The following AGBL1 variants were observed in gnomAD, a reference collection of about 807,000 sequenced individuals.
AGBL1 encodes AGBL carboxypeptidase 1.
In AGBL1, 130 loss-of-function variants were observed where a neutral mutation model predicts 118.9. The observed-to-expected ratio is 1.09, with a 90% CI of 0.95 to 1.26. The LOEUF is 1.26. AGBL1 is among the 50% of genes most tolerant of loss of function. The pLI, the probability that AGBL1 is intolerant of heterozygous loss-of-function variation, is 0.00. For synonymous variants in AGBL1, 555 were observed against 478.9 expected, an observed-to-expected ratio of 1.16 and a Z score of -2.08; for missense variants, 1,584 against 1,298.1, an observed-to-expected ratio of 1.22 and a Z score of -3.38.
At chr15:86,280,919 C>T (rs1301685423) in intron 16 of AGBL1, among the ~76,000 whole-genome samples, 1 of 152,212 alleles carries the variant, frequency 6.6e-6, no homozygotes, top group African/African-American at 2.4e-5. Context: ...GTGTATCACA[C>T]TTAGAGAGCT....
chr15:86,139,588 G>A (rs940480808), intron 1 of AGBL1, among the ~76,000 whole-genome samples: 6 of 151,224 alleles, frequency 4.0e-5, no homozygotes, highest in Admixed American at 1.3e-4. Flanking sequence ...GTGGAAACTC[G>A]TCTCTTCTGA....
intron 13 of AGBL1, among the ~76,000 whole-genome samples, chr15:86,268,677 C>G (rs7172115): frequency 0.45 from 67,867 of 151,926 alleles, 15,896 homozygotes; most frequent in African/African-American, 0.57. Flanking sequence ...CATAGACTTT[C>G]CAGAATTGTT....
At chr15:86,841,042 TC>T (rs1404174746) in intron 22 of AGBL1, among the ~76,000 whole-genome samples, 1 of 152,196 alleles carries the variant, frequency 6.6e-6, no homozygotes, top group African/African-American at 2.4e-5. Context: ...TGAAATTTCT[TC>T]CCTACCATCA....
chr15:86,706,952 C>T (rs1050545998), intron 22 of AGBL1, among the ~76,000 whole-genome samples: 2 of 151,908 alleles, frequency 1.3e-5, no homozygotes, highest in African/African-American at 4.8e-5. Flanking sequence ...GAGTGGAAAA[C>T]GTAGTCAAAA....
At chr15:86,441,675 A>G (rs2082066262) in intron 18 of AGBL1, among the ~76,000 whole-genome samples, 1 of 152,238 alleles carries the variant, frequency 6.6e-6, no homozygotes. Flanking sequence ...TTATTGGAAG[A>G]GGTTGGGTAG....
At chr15:86,439,654 G>A (rs1258786871) in intron 18 of AGBL1, among the ~76,000 whole-genome samples, 1 of 152,210 alleles carries the variant, frequency 6.6e-6, no homozygotes, top group Non-Finnish European at 1.5e-5. Flanking sequence ...ACTGAGCAAA[G>A]CACAGAAATC....
At chr15:86,249,599 G>T (rs1597621820) in intron 7 of AGBL1, among the ~76,000 whole-genome samples, 1 of 152,006 alleles carries the variant, frequency 6.6e-6, no homozygotes, top group African/African-American at 2.4e-5. Context: ...TAAGCTTGTG[G>T]TTGCCCAAGT....
At chr15:86,631,406 A>G (rs1277180455) in intron 21 of AGBL1, among the ~76,000 whole-genome samples, 1 of 152,216 alleles carries the variant, frequency 6.6e-6, no homozygotes, top group African/African-American at 2.4e-5. Flanking sequence ...CAGTAACAGC[A>G]TAAGTCAAAG....
intron 22 of AGBL1, among the ~76,000 whole-genome samples, chr15:86,828,107 T>C (rs2079057456): frequency 6.6e-6 from 1 of 151,434 alleles, no homozygotes; most frequent in Non-Finnish European, 1.5e-5. Context: ...GCCCAACTAA[T>C]TCTAAAAAAT....
intron 1 of AGBL1, among the ~76,000 whole-genome samples, chr15:86,118,092 A>G (rs1897871409): frequency 1.3e-5 from 2 of 152,196 alleles, no homozygotes; most frequent in African/African-American, 2.4e-5. Context: ...CTGGGTGTCA[A>G]TATAATGTTT....
chr15:86,485,749 T>C (rs1015997668), intron 18 of AGBL1, among the ~76,000 whole-genome samples: 2 of 152,134 alleles, frequency 1.3e-5, no homozygotes, highest in Admixed American at 1.3e-4. Context: ...CTAAAACATA[T>C]TGAGATGTGT....
At chr15:86,793,922 A>G (rs969565611) in intron 22 of AGBL1, among the ~76,000 whole-genome samples, 3 of 152,234 alleles carry the variant, frequency 2.0e-5, no homozygotes, top group African/African-American at 7.2e-5. Flanking sequence ...GCACATTAAG[A>G]TGACCATAAT....
At chr15:86,415,997 A>G (rs1245647661) in intron 18 of AGBL1, among the ~76,000 whole-genome samples, 1 of 152,116 alleles carries the variant, frequency 6.6e-6, no homozygotes, top group Non-Finnish European at 1.5e-5. Flanking sequence ...GCTTTTTCTT[A>G]GCCTTGGACA....
rs183933571 is a variant in AGBL1, at chr15:86,721,105, T to C, written c.3158+46669T>C. Reference sequence around the variant, plus strand: ...GCTGGTACCATTCCTTCTGAAACTATTCCAATCAATAGAAAAAGAGGGAAT... The same window carrying C: ...GCTGGTACCATTCCTTCTGAAACTACTCCAATCAATAGAAAAAGAGGGAAT... On this transcript the variant is annotated intron_variant, in intron 22 of 22. Transcript: ENST00000614907. Among the ~76,000 whole-genome samples the C allele has an allele frequency of 8.2e-3, 1,244 of 152,244 alleles. 22 individuals carry two copies. Among genetic ancestry groups the C allele is most frequent in the African/African-American group, 0.029 (1,196 of 41,540 alleles).
At chr15:86,314,272 C>G (rs370715990) in intron 17 of AGBL1, among the ~76,000 whole-genome samples, 15 of 152,308 alleles carry the variant, frequency 9.8e-5, no homozygotes, top group African/African-American at 3.4e-4. Flanking sequence ...ACACCTAAAC[C>G]AGGATAGCCT....
chr15:86,898,570 G>C (rs2080166142), intron 22 of AGBL1, among the ~76,000 whole-genome samples: 1 of 152,134 alleles, frequency 6.6e-6, no homozygotes, highest in South Asian at 2.1e-4. Flanking sequence ...AAACTTAACA[G>C]CTTCTGCAGA....
chr15:86,222,532 T>A (rs1010012113), intron 5 of AGBL1, among the ~76,000 whole-genome samples: 17 of 152,240 alleles, frequency 1.1e-4, no homozygotes, highest in African/African-American at 4.1e-4. Flanking sequence ...CATCTCAATT[T>A]AAAAAACCAA....
intron 18 of AGBL1, among the ~76,000 whole-genome samples, chr15:86,458,680 TA>T (rs1567002114): frequency 6.6e-6 from 1 of 152,184 alleles, no homozygotes; most frequent in African/African-American, 2.4e-5. Flanking sequence ...CTGTCCCATT[TA>T]AGAGATGAGA....
chr15:86,179,335 A>G (rs2077522502), intron 5 of AGBL1, among the ~76,000 whole-genome samples: 1 of 152,232 alleles, frequency 6.6e-6, no homozygotes, highest in Non-Finnish European at 1.5e-5. Flanking sequence ...ATTTTAGTAA[A>G]TTGTTATCGA....
Sources: allele counts gnomAD v4.1 joint callset (sites outside exome capture counted in the v4.1 genomes callset), GRCh38; gene constraint gnomAD v4.1.1; transcripts MANE v1.5; gene names NCBI Gene and HGNC (gene_info 2026-07-23, HGNC 2026-07-21).